Variants in UGT2A1 observed in about 807,000 individuals in gnomAD.
UGT2A1 encodes the protein UDP-glucuronosyltransferase 2A1.
In UGT2A1, 61 loss-of-function variants were observed where a neutral mutation model predicts 45.4. That is an observed-to-expected ratio of 1.34 (90% confidence interval 1.09 to 1.66). The LOEUF is 1.66. Ranked by LOEUF, UGT2A1 falls within the 40% of genes most tolerant of loss-of-function variation. The pLI, the probability that UGT2A1 is intolerant of heterozygous loss-of-function variation, is 0.00. For synonymous variants in UGT2A1, 229 were observed against 196.2 expected (o/e 1.17, Z -1.40); for missense variants, 649 against 574.3 (o/e 1.13, Z -1.33).
chr4:69,596,562 G>A (rs771767767), intron 4 of UGT2A1, among the ~76,000 whole-genome samples: 21 of 152,078 alleles, frequency 1.4e-4, no homozygotes, highest in Admixed American at 5.2e-4. Context: ...TCGCTCTGTC[G>A]CCCAGGCTGG....
intron 2 of UGT2A1, among the ~76,000 whole-genome samples, 157 bp from the exon 3 acceptor site, chr4:69,635,979 T>C (rs1395155824): frequency 1.3e-5 from 2 of 152,056 alleles, no homozygotes; most frequent in African/African-American, 2.4e-5. Flanking sequence ...ATTCCTGATA[T>C]CCCTGTTCCC....
At chr4:69,623,762 T>A (rs1720887174) in intron 3 of UGT2A1, among the ~76,000 whole-genome samples, 1 of 151,364 alleles carries the variant, frequency 6.6e-6, no homozygotes, top group Admixed American at 6.6e-5. Context: ...ATAAAAATAA[T>A]TTAAATAAAA....
At chr4:69,649,114 T>C (rs1302950159) in intron 1 of UGT2A1, among the ~76,000 whole-genome samples, 1 of 152,134 alleles carries the variant, frequency 6.6e-6, no homozygotes, top group Non-Finnish European at 1.5e-5. Flanking sequence ...CTTTTCATGT[T>C]AATAAATCTT....
At chr4:69,639,620 A>G in intron 2 of UGT2A1, 1 of 1,591,110 alleles carries the variant, frequency 6.3e-7, no homozygotes, top group Non-Finnish European at 8.5e-7. Context: ...TAGGCATGGT[A>G]AAATCCCTTA....
chr4:69,598,584 C>A (rs1333298256), intron 4 of UGT2A1, among the ~76,000 whole-genome samples: 1 of 152,118 alleles, frequency 6.6e-6, no homozygotes, highest in African/African-American at 2.4e-5. Context: ...GAATCTATTT[C>A]TAATGCTTCC....
At chr4:69,646,395 G>A (rs4148280) in intron 2 of UGT2A1, among the ~76,000 whole-genome samples, 7,532 of 151,764 alleles carry the variant, frequency 0.05, 411 homozygotes, top group East Asian at 0.31. Flanking sequence ...GCTTAGCATG[G>A]ATAAATCACC....
intron 2 of UGT2A1, chr4:69,639,352 C>T: frequency 6.8e-6 from 11 of 1,613,642 alleles, no homozygotes; most frequent in South Asian, 1.1e-5. Context: ...ATCATATGCT[C>T]AATTAAGGAA....
At chr4:69,631,300 G>T (rs145499895) in intron 3 of UGT2A1, among the ~76,000 whole-genome samples, 1 of 115,050 alleles carries the variant, frequency 8.7e-6, no homozygotes. Flanking sequence ...TTGTCAAAGA[G>T]AGAGTTACTT....
chr4:69,631,429 A>T (rs770115849), intron 3 of UGT2A1, among the ~76,000 whole-genome samples: 9 of 152,164 alleles, frequency 5.9e-5, no homozygotes, highest in Admixed American at 3.9e-4. Context: ...GAGTTACATC[A>T]TCATAAATTT....
chr4:69,603,872 G>T lies in UGT2A1; in HGVS notation c.848-4478C>A, dbSNP rs1033927387. On this transcript the variant is annotated intron_variant, in intron 3 of 6. Coordinates refer to ENST00000286604, the MANE Select transcript of UGT2A1 (RefSeq NM_001252275.3). The stretch of plus-strand genomic sequence containing the variant: ...CGAGAAGAGAAGTTTAGAGAAAAAA[G>T]AATAAAAAGAAACGAACAAAGCCTC... Among the ~76,000 whole-genome samples, 11 of 136,062 alleles carry T rather than the reference G, an allele frequency of 8.1e-5. 2 individuals are homozygous for T. Among genetic ancestry groups the T allele is most frequent in the Admixed American group, 1.5e-4 (2 of 13,770 alleles). The allele number at this position is 136,062 out of a possible 152,430, so 89.3% of individuals were successfully genotyped here. A position where few individuals can be genotyped will look rare whatever the true frequency, so the allele number is the denominator to read the frequency against.
chr4:69,614,130 C>T (rs2109923034), intron 3 of UGT2A1, among the ~76,000 whole-genome samples: 1 of 116,394 alleles, frequency 8.6e-6, no homozygotes, highest in Non-Finnish European at 1.8e-5. Context: ...TTCAGTAGTT[C>T]CAGGACACAA....
chr4:69,622,849 G>A (rs1370922225), intron 3 of UGT2A1, among the ~76,000 whole-genome samples: 5 of 151,710 alleles, frequency 3.3e-5, no homozygotes, highest in African/African-American at 4.8e-5. Context: ...TCTTGGCTTC[G>A]GTGTAGGACA....
chr4:69,646,441 A>C (rs566822314), intron 2 of UGT2A1, among the ~76,000 whole-genome samples: 1 of 152,002 alleles, frequency 6.6e-6, no homozygotes, highest in South Asian at 2.1e-4. Flanking sequence ...TTACAATTAA[A>C]GGTGATAAAG....
chr4:69,610,795 T>G (rs1719990421), intron 3 of UGT2A1, among the ~76,000 whole-genome samples: 2 of 152,196 alleles, frequency 1.3e-5, no homozygotes, highest in Admixed American at 6.5e-5. Context: ...ACCCTGATTT[T>G]GGACGTCTAG....
intron 6 of UGT2A1, 149 bp downstream of exon 6, chr4:69,594,328 G>T: frequency 2.7e-6 from 3 of 1,099,790 alleles, no homozygotes; most frequent in Non-Finnish European, 3.8e-6. Flanking sequence ...AATCACTTTA[G>T]CAGTTTGGCA....
Position 69,647,169 on chromosome 4 carries a change from A to C in UGT2A1, c.476T>G (p.Val159Gly), listed in dbSNP as rs760550229. ...AAATGGAATTCCAAGTTTTAAAGCT[A>C]CTATATCGCCACAAGGAAATACTGG... ...SDPVFPCGDI[V>G]ALKLGIPFMY... The change falls in exon 2 of 7, where the codon GTA becomes GGA. Residue 159 changes from valine to glycine, a missense_variant. By Grantham distance (109) the Val-to-Gly change is moderately radical. Coordinates refer to ENST00000286604, the MANE Select transcript of UGT2A1 (RefSeq NM_001252275.3). 101 of 1,612,998 alleles carry C rather than the reference A, an allele frequency of 6.3e-5. No individual in the cohort carries two copies. The African/African-American group carries it at 1.1e-3, about 18-fold the overall frequency.
At chr4:69,589,700 T>G (rs1345400667) in intron 6 of UGT2A1, 49 bp from the exon 7 acceptor site, 1 of 1,559,492 alleles carries the variant, frequency 6.4e-7, no homozygotes. Context: ...TGTTTTTATT[T>G]TCATTGAAGA....
chr4:69,610,297 A>G (rs1719958106), intron 3 of UGT2A1, among the ~76,000 whole-genome samples: 1 of 152,110 alleles, frequency 6.6e-6, no homozygotes, highest in African/African-American at 2.4e-5. Flanking sequence ...AGTATGAAGC[A>G]CCCTAAAATT....
At chr4:69,639,145 C>T (rs376466990) in intron 2 of UGT2A1, 2 of 1,613,496 alleles carry the variant, frequency 1.2e-6, no homozygotes, top group African/African-American at 1.3e-5. Context: ...GCAACAAGAT[C>T]ACCACAGATT....
Sources: gnomAD v4.1 joint callset for allele counts (sites outside exome capture counted in the v4.1 genomes callset) on GRCh38, gnomAD v4.1.1 for gene constraint, MANE v1.5 for transcripts, NCBI Gene and HGNC (gene_info 2026-07-23, HGNC 2026-07-21) for gene names.